TRRAP: variants seen among roughly 807,000 people sequenced by gnomAD.
The protein encoded by TRRAP is transformation/transcription domain associated protein, also known as transformation/transcription domain-associated protein.
In TRRAP, 41 loss-of-function variants were observed where a neutral mutation model predicts 438.8. That is an observed-to-expected ratio of 0.09 (90% CI 0.07 to 0.12). The LOEUF (loss-of-function observed/expected upper bound fraction) is 0.12, where lower values mean the gene tolerates loss of function less well. Ranked by LOEUF, TRRAP falls within the 10% of genes least tolerant of loss-of-function variation. TRRAP has a pLI of 1.00. For missense variants in TRRAP, 3,122 were observed against 5,055.1 expected (o/e 0.62, Z 11.60); for synonymous variants, 1,994 against 1,962.9 (o/e 1.02, Z -0.42).
chr7:98,914,813 G>A (rs1167929990), intron 18 of TRRAP, among the ~76,000 whole-genome samples: 7 of 139,524 alleles, frequency 5.0e-5, no homozygotes, highest in African/African-American at 1.8e-4. Context: ...AGAACTTTTT[G>A]TCCAGAATAA....
intron 69 of TRRAP, among the ~76,000 whole-genome samples, chr7:99,007,564 G>C (rs1368850320): frequency 6.6e-6 from 1 of 151,964 alleles, no homozygotes; most frequent in Non-Finnish European, 1.5e-5. Flanking sequence ...GGCCAGGCTG[G>C]TCTCAAACTC....
At chr7:98,886,770 G>A (rs10953276) in intron 3 of TRRAP, among the ~76,000 whole-genome samples, 4 of 152,008 alleles carry the variant, frequency 2.6e-5, no homozygotes, top group Non-Finnish European at 5.9e-5. Flanking sequence ...TTATTAAATG[G>A]GCCATCTTTC....
chr7:98,897,953 C>T lies in TRRAP; in HGVS notation c.633+87C>T. 4.4e-6 allele frequency: 7 copies of T among 1,584,088 alleles called. No individual in the cohort carries two copies. In the South Asian group the frequency reaches 5.7e-5, roughly 13 times the overall value. ...AAACCATTTTTTTTTCTCTTAAATA[C>T]TTGGAGGCATTTAAGACAAACGTGT... On this transcript the variant is annotated intron_variant, in intron 8 of 72. Coordinates refer to ENST00000456197, the MANE Select transcript of TRRAP (RefSeq NM_001375524.1).
At position 98,981,980 on chromosome 7, in the gene TRRAP, G is replaced by A. The variant is rs764425185; in HGVS notation, c.8826+20G>A. On this transcript the variant is annotated intron_variant, in intron 59 of 72. Transcript: ENST00000456197. ...CTACAGGTGCGTGCGGTGCCCCCAT[G>A]CGAGCACAGGCCTGTGGCCTGTCGC... The A allele has an allele frequency of 2.6e-5, 41 of 1,547,342 alleles. No homozygotes were observed. Among genetic ancestry groups the A allele is most frequent in the Non-Finnish European group, 3.4e-5 (39 of 1,149,200 alleles).
At chr7:98,890,661 A>G (rs534008247) in intron 4 of TRRAP, among the ~76,000 whole-genome samples, 12 of 152,230 alleles carry the variant, frequency 7.9e-5, no homozygotes, top group Non-Finnish European at 1.3e-4. Context: ...ACATTTGCCA[A>G]CTGATGACAT....
intron 24 of TRRAP, among the ~76,000 whole-genome samples, 157 bp downstream of exon 24, chr7:98,930,363 G>C (rs1010383156): frequency 1.2e-4 from 19 of 152,138 alleles, no homozygotes; most frequent in African/African-American, 4.1e-4. Context: ...GCTCACCTGA[G>C]GTTGGGAGTT....
chr7:98,975,794 G>A (rs553456912), intron 53 of TRRAP, among the ~76,000 whole-genome samples: 36 of 152,154 alleles, frequency 2.4e-4, no homozygotes, highest in Middle Eastern at 3.2e-3. Flanking sequence ...CCTGGGCCTC[G>A]GTGACATCTG....
chr7:98,893,369 C>T (rs539676893), intron 5 of TRRAP, among the ~76,000 whole-genome samples: 2 of 152,348 alleles, frequency 1.3e-5, no homozygotes, highest in South Asian at 4.1e-4. Flanking sequence ...CAGTGCTTAA[C>T]CCCTGAGATA....
intron 50 of TRRAP, 26 bp from the exon 51 acceptor site, chr7:98,967,459 T>C: frequency 6.2e-7 from 1 of 1,612,234 alleles, no homozygotes; most frequent in South Asian, 1.1e-5. Flanking sequence ...TCCATCGTCT[T>C]GCCTGTCTCT....
chr7:98,950,616 G>C (rs1269519948), intron 38 of TRRAP, among the ~76,000 whole-genome samples: 4 of 152,198 alleles, frequency 2.6e-5, no homozygotes, highest in African/African-American at 7.2e-5. Flanking sequence ...AGTGTTGAAG[G>C]GTGGTTTGTT....
intron 4 of TRRAP, 78 bp downstream of exon 4, chr7:98,890,523 C>G (rs372648058): frequency 9.8e-7 from 1 of 1,021,122 alleles, no homozygotes; most frequent in Non-Finnish European, 1.3e-6. Context: ...AGAAAACTTA[C>G]GGTTCCACTT....
intron 3 of TRRAP, among the ~76,000 whole-genome samples, chr7:98,884,947 C>G (rs1338909082): frequency 6.6e-6 from 1 of 152,104 alleles, no homozygotes; most frequent in Non-Finnish European, 1.5e-5. Flanking sequence ...CAGTTAGTCT[C>G]ATAGACAGAT....
At chr7:98,943,052 G>A (rs1790877488) in intron 31 of TRRAP, 35 bp downstream of exon 31, 2 of 1,612,484 alleles carry the variant, frequency 1.2e-6, no homozygotes, top group African/African-American at 2.7e-5. Context: ...AAGGGCACCA[G>A]CCGCCATGCT....
intron 51 of TRRAP, among the ~76,000 whole-genome samples, chr7:98,969,562 A>G (rs1016462632): frequency 6.6e-6 from 1 of 152,226 alleles, no homozygotes; most frequent in Non-Finnish European, 1.5e-5. Flanking sequence ...TGCTCAGGGA[A>G]TATTCGCCCA....
intron 43 of TRRAP, among the ~76,000 whole-genome samples, chr7:98,957,002 C>T (rs1336992549): frequency 6.6e-6 from 1 of 152,046 alleles, no homozygotes; most frequent in Non-Finnish European, 1.5e-5. Flanking sequence ...GCCTGGCCAC[C>T]CTACTTCTGG....
rs782057410 is a variant in TRRAP at position 98,949,714 on chromosome 7, C to G, written c.5008C>G (p.Leu1670Val). The G allele has an allele frequency of 2.5e-6, 4 of 1,614,100 alleles. No homozygotes were observed. Among genetic ancestry groups the G allele is most frequent in the Non-Finnish European group, 3.4e-6 (4 of 1,180,040 alleles). ...CTCCTGGCTGGCCAGCCAGCACTCTCTGGTGAGCCAGTTGCGACGTGTGTG... is the reference window on the plus strand; with the variant it reads ...CTCCTGGCTGGCCAGCCAGCACTCTGTGGTGAGCCAGTTGCGACGTGTGTG... The part of the protein sequence containing the change: ...DDSWLASQHS[L>V]VSQLRRVWVS... The change falls in exon 37 of 73, where the codon CTG becomes GTG. Residue 1670 changes from leucine (L) to valine (V), a missense_variant. Physicochemically the swap from Leu to Val is conservative, Grantham distance 32. This residue lies in a region of TRRAP where 272 missense variants were observed against 348.5 expected (regional missense o/e 0.78). Transcript: ENST00000456197.
chr7:98,988,412 A>AAT (rs1360890128), intron 62 of TRRAP, among the ~76,000 whole-genome samples: 1 of 152,248 alleles, frequency 6.6e-6, no homozygotes, highest in Non-Finnish European at 1.5e-5. Flanking sequence ...TGTGCAATGG[A>AAT]ATGTTATTCA....
intron 65 of TRRAP, 71 bp downstream of exon 65, chr7:98,992,298 A>G: frequency 6.6e-7 from 1 of 1,507,854 alleles, no homozygotes; most frequent in South Asian, 1.1e-5. Context: ...ACATCCAGAC[A>G]GACCACCGCA....
chr7:98,996,216 C>T (rs982424708), intron 67 of TRRAP, among the ~76,000 whole-genome samples: 10 of 152,240 alleles, frequency 6.6e-5, no homozygotes, highest in African/African-American at 1.7e-4. Flanking sequence ...ATCACATCTG[C>T]GCATCCACAT....
Sources: allele counts gnomAD v4.1 joint callset (sites outside exome capture counted in the v4.1 genomes callset), GRCh38; gene constraint gnomAD v4.1.1; regional missense constraint gnomAD v4.1.1; transcripts MANE v1.5; gene names NCBI Gene and HGNC (gene_info 2026-07-23, HGNC 2026-07-21).